Variants in LCOR observed in about 807,000 individuals in gnomAD.
LCOR encodes ligand dependent nuclear receptor corepressor.
LCOR carries 14 observed loss-of-function variants against 64.4 expected under a neutral mutation model. The observed-to-expected ratio is 0.22, with a 90% CI of 0.14 to 0.34. LCOR has a LOEUF of 0.34. Among genes scored for constraint, LCOR ranks in the 10% least tolerant of loss-of-function variants. The probability of loss-of-function intolerance (pLI) is 1.00; values close to 1 mark genes in which losing one functional copy is unlikely to be tolerated. For missense variants in LCOR, 1,686 were observed against 1,765.3 expected, an observed-to-expected ratio of 0.96 and a Z score of 0.80; for synonymous variants, 643 against 642.5, an observed-to-expected ratio of 1.00 and a Z score of -0.01.
intron 4 of LCOR, among the ~76,000 whole-genome samples, chr10:96,912,614 T>TCCTTCCTTCCTTCCTTCCTTCCTC (rs1846861478): frequency 6.9e-6 from 1 of 144,858 alleles, no homozygotes; most frequent in African/African-American, 2.5e-5. Flanking sequence ...CTTTCTTCCT[T>TCCTTCCTTCCTTCCTTCCTTCCTC]CCTTCCTTCC....
Position 96,984,004 on chromosome 10 carries a change from A to G in LCOR, c.3544A>G (p.Asn1182Asp). ...MLFMTNFKLS[N>D]VCKWFLETTE... Reference sequence around the variant, plus strand: ...CTTTATGACAAACTTTAAATTATCTAATGTTTGTAAATGGTTCTTAGAGAC... The same window carrying G: ...CTTTATGACAAACTTTAAATTATCTGATGTTTGTAAATGGTTCTTAGAGAC... The change falls in exon 8 of 8, where the codon AAT becomes GAT. Residue 1182 changes from asparagine (N) to aspartate (D), a missense_variant. By Grantham distance (23) the Asn-to-Asp change is conservative (BLOSUM62 1). Around this residue, in one of 3 missense-constraint regions of LCOR, gnomAD observed 1,293 missense variants for 1,410.4 expected, o/e 0.92. Transcript: ENST00000421806. 1 of 1,614,154 alleles carries G rather than the reference A, an allele frequency of 6.2e-7. No individual in the cohort carries two copies. Among genetic ancestry groups the G allele is most frequent in the Non-Finnish European group, 8.5e-7 (1 of 1,180,018 alleles).
chr10:96,860,764 GTC>G (rs1184033469), intron 2 of LCOR, among the ~76,000 whole-genome samples: 2 of 152,196 alleles, frequency 1.3e-5, no homozygotes, highest in Non-Finnish European at 2.9e-5. Flanking sequence ...TTACATTTTA[GTC>G]TATAGTTACA....
At chr10:96,887,531 C>G (rs1846364393) in intron 2 of LCOR, among the ~76,000 whole-genome samples, 1 of 151,530 alleles carries the variant, frequency 6.6e-6, no homozygotes, top group African/African-American at 2.4e-5. Flanking sequence ...CCACTGCACT[C>G]CAGCCTGGGC....
intron 2 of LCOR, among the ~76,000 whole-genome samples, chr10:96,877,489 A>T (rs950438123): frequency 6.6e-6 from 1 of 151,566 alleles, no homozygotes; most frequent in African/African-American, 2.4e-5. Context: ...ATGACACTGC[A>T]CTCCAGCCTG....
At chr10:96,843,822 A>C (rs775232895) in intron 2 of LCOR, among the ~76,000 whole-genome samples, 1 of 152,208 alleles carries the variant, frequency 6.6e-6, no homozygotes, top group African/African-American at 2.4e-5. Flanking sequence ...CAAGTGGTTC[A>C]TAAGTTTAAA....
Position 96,901,244 on chromosome 10 carries a change from C to T in LCOR, c.-329-6021C>T, listed in dbSNP as rs533567472. On this transcript the variant is annotated intron_variant, in intron 2 of 7. Coordinates refer to ENST00000421806, the MANE Select transcript of LCOR (RefSeq NM_001346516.2). ...CTCCTCATGTTGCCCAGGTCAAACC[C>T]CTGGACTCAAGCAGTCCTTCCACTT... Among the ~76,000 whole-genome samples the T allele has an allele frequency of 3.3e-5, 5 of 152,156 alleles. No homozygotes were observed. In the South Asian group the frequency reaches 1.0e-3, roughly 32 times the overall value.
intron 5 of LCOR, among the ~76,000 whole-genome samples, chr10:96,944,587 G>A (rs1489594036): frequency 1.4e-5 from 2 of 147,220 alleles, no homozygotes; most frequent in Non-Finnish European, 3.0e-5. Context: ...AAATCCAACT[G>A]TGTGATTTTT....
chr10:96,868,235 G>C (rs1414200163), intron 2 of LCOR, among the ~76,000 whole-genome samples: 1 of 151,158 alleles, frequency 6.6e-6, no homozygotes, highest in African/African-American at 2.4e-5. Flanking sequence ...GAGTTTTCCA[G>C]TATGCCATAA....
chr10:96,965,579 G>A (rs978254215), intron 7 of LCOR, among the ~76,000 whole-genome samples: 10 of 148,446 alleles, frequency 6.7e-5, no homozygotes, highest in Non-Finnish European at 8.9e-5. Flanking sequence ...GGAGAATGGC[G>A]TGAACCCAGG....
intron 7 of LCOR, chr10:96,955,697 A>G (rs1310105224): frequency 1.9e-6 from 3 of 1,613,792 alleles, no homozygotes; most frequent in Non-Finnish European, 2.5e-6. Context: ...AAGCAATCTC[A>G]GTGGTTATGA....
In LCOR at chr10:96,983,071, C is replaced by T; in HGVS notation, c.2611C>T (p.Leu871=). The change falls in exon 8 of 8, where the codon CTA becomes TTA. Residue 871 remains leucine (L), a synonymous_variant. Transcript: ENST00000421806. The surrounding 1 kb of genome is among the most constrained non-coding windows in gnomAD (Gnocchi z 4.5). ...TGGTGGGACAACACCTAAGGGCCTT[C>T]TACCTGACAGTTTCCACACGGAAAC... The part of the protein sequence containing the change: ...HPGGTTPKGL[L]PDSFHTETLE... The T allele has an allele frequency of 6.2e-7, 1 of 1,613,816 alleles. No homozygotes were observed. The highest frequency in any genetic ancestry group is 8.5e-7 in the Non-Finnish European group (1 of 1,179,758).
chr10:96,870,129 A>G (rs1421771382), intron 2 of LCOR, among the ~76,000 whole-genome samples: 1 of 151,174 alleles, frequency 6.6e-6, no homozygotes, highest in African/African-American at 2.5e-5. Context: ...TTCTCGGCTC[A>G]CTGCAAGCTC....
chr10:96,920,664 ATATATGTATATATTCATATATGTG>A (rs1268026811), intron 4 of LCOR, among the ~76,000 whole-genome samples: 1 of 136,900 alleles, frequency 7.3e-6, no homozygotes, highest in Non-Finnish European at 1.5e-5. Context: ...GTATATATGT[ATATATGTATATATTCATATATGTG>A]TATATATGTT....
intron 2 of LCOR, among the ~76,000 whole-genome samples, chr10:96,902,900 C>T (rs994428533): frequency 1.3e-5 from 2 of 152,118 alleles, no homozygotes; most frequent in African/African-American, 4.8e-5. Context: ...TTTCAAACAT[C>T]GTAAAGTATA....
intron 2 of LCOR, among the ~76,000 whole-genome samples, chr10:96,853,420 T>C (rs1192902268): frequency 6.6e-6 from 1 of 152,236 alleles, no homozygotes; most frequent in East Asian, 1.9e-4. Flanking sequence ...AATAAGATAG[T>C]GTTTCAGTTA....
chr10:96,882,088 G>C (rs1420187121), intron 2 of LCOR, among the ~76,000 whole-genome samples: 1 of 152,078 alleles, frequency 6.6e-6, no homozygotes, highest in Non-Finnish European at 1.5e-5. Context: ...AAGAGTTATT[G>C]TATTAATTAT....
At position 96,952,128 on chromosome 10, in the gene LCOR, G is replaced by A. The variant is rs1847690766; in HGVS notation, c.264G>A (p.Lys88=). The A allele has an allele frequency of 4.3e-6, 7 of 1,613,976 alleles. No homozygotes were observed. Among genetic ancestry groups the A allele is most frequent in the Non-Finnish European group, 5.9e-6 (7 of 1,179,898 alleles). The change falls in exon 7 of 8, where the codon AAG becomes AAA. Residue 88 remains lysine (K), a synonymous_variant. Transcript: ENST00000421806. ...ACGGTGTACTTGATCTGTCCACTAAGAAAAGTCCATGTGCTGGCAGCACTT... is the reference window on the plus strand; with the variant it reads ...ACGGTGTACTTGATCTGTCCACTAAAAAAAGTCCATGTGCTGGCAGCACTT... ...EQDGVLDLST[K]KSPCAGSTSL...
At chr10:96,957,312 C>T (rs1393982628) in intron 7 of LCOR, 1 of 984,954 alleles carries the variant, frequency 1.0e-6, no homozygotes, top group East Asian at 1.1e-4. Flanking sequence ...CCTTTGAGAT[C>T]ATGTTTGTAT....
chr10:96,990,549 T>G lies in LCOR; in HGVS notation c.*5415T>G, dbSNP rs2134572638. The G allele has an allele frequency of 6.6e-6, 1 of 152,348 alleles. No homozygotes were observed. Among genetic ancestry groups the G allele is most frequent in the Non-Finnish European group, 1.5e-5 (1 of 68,074 alleles). The allele number at this position is 152,348 out of a possible 1,614,324, so 9.4% of individuals were successfully genotyped here. On this transcript the variant is annotated 3_prime_UTR_variant, in exon 8 of 8. Coordinates refer to ENST00000421806, the MANE Select transcript of LCOR (RefSeq NM_001346516.2). ...TGGATTGGAAGACTTGAGGATCCAG[T>G]CTCTTTCCTTTATAGATAATTAGAC...
Sources: gnomAD v4.1 joint callset for allele counts (sites outside exome capture counted in the v4.1 genomes callset) on GRCh38, gnomAD v4.1.1 for gene constraint, gnomAD v4.1.1 regional missense constraint, Gnocchi (gnomAD v3.1) non-coding constraint, MANE v1.5 for transcripts, NCBI Gene and HGNC (gene_info 2026-07-23, HGNC 2026-07-21) for gene names.